C13orf42: variants seen among roughly 807,000 people sequenced by gnomAD.
The protein encoded by C13orf42 is uncharacterized protein C13orf42.
intron 1 of C13orf42, among the ~76,000 whole-genome samples, chr13:51,171,769 C>T (rs1224261825): frequency 1.3e-5 from 2 of 151,800 alleles, no homozygotes; most frequent in Non-Finnish European, 2.9e-5. Flanking sequence ...AATCAGATAG[C>T]GTTTAGGCTC....
At chr13:51,161,799 G>T in intron 1 of C13orf42, 1 of 328,472 alleles carries the variant, frequency 3.0e-6, no homozygotes. Context: ...ACCATAACCA[G>T]GGAATCGTTA....
At chr13:51,163,175 A>G (rs1012521786) in intron 1 of C13orf42, among the ~76,000 whole-genome samples, 1 of 152,208 alleles carries the variant, frequency 6.6e-6, no homozygotes, top group Non-Finnish European at 1.5e-5. Context: ...CCCCAAGGTA[A>G]GCAGCATGCA....
At chr13:51,111,883 C>A (rs1467473355), upstream of C13orf42, among the ~76,000 whole-genome samples, 1 of 39,766 alleles carries the variant, frequency 2.5e-5, no homozygotes, top group Non-Finnish European at 3.9e-5. Context: ...CCTCGCCCTG[C>A]GGTAATGGAC....
intron 1 of C13orf42, among the ~76,000 whole-genome samples, chr13:51,135,734 T>C (rs2138025590): frequency 6.6e-6 from 1 of 152,224 alleles, no homozygotes; most frequent in East Asian, 1.9e-4. Context: ...TCTTCCTAGA[T>C]TCCTCCCCCA....
intron 1 of C13orf42, among the ~76,000 whole-genome samples, chr13:51,093,095 TTGAC>T (rs1182027748): frequency 2.6e-5 from 4 of 152,224 alleles, no homozygotes; most frequent in Non-Finnish European, 4.4e-5. Context: ...TCTATTTTTC[TTGAC>T]TGACTCAAAA....
chr13:51,086,329 A>AAC (rs1953125832), intron 2 of C13orf42, among the ~76,000 whole-genome samples: 1 of 150,216 alleles, frequency 6.7e-6, no homozygotes, highest in Admixed American at 6.6e-5. Context: ...AAAAAAAACA[A>AAC]AAAAAAAAAC....
At chr13:51,133,442 C>T (rs1953634197) in intron 1 of C13orf42, among the ~76,000 whole-genome samples, 2 of 152,222 alleles carry the variant, frequency 1.3e-5, no homozygotes, top group African/African-American at 4.8e-5. Flanking sequence ...ACTCATTTTA[C>T]ACCTAAAGAT....
intron 1 of C13orf42, among the ~76,000 whole-genome samples, chr13:51,123,461 G>A (rs1292825624): frequency 1.3e-5 from 2 of 152,176 alleles, no homozygotes; most frequent in African/African-American, 2.4e-5. Context: ...GTGGACCAAA[G>A]CAAGTCATAT....
chr13:51,116,603 C>T (rs1015557683), intron 1 of C13orf42, among the ~76,000 whole-genome samples: 1 of 152,188 alleles, frequency 6.6e-6, no homozygotes, highest in Non-Finnish European at 1.5e-5. Context: ...GATGATGTGG[C>T]AAATGGAATT....
chr13:51,158,042 T>C (rs146909591), intron 1 of C13orf42, among the ~76,000 whole-genome samples: 37 of 152,346 alleles, frequency 2.4e-4, no homozygotes, highest in African/African-American at 8.7e-4. Flanking sequence ...TGCCACATTA[T>C]TCCCAGGCCT....
intron 1 of C13orf42, among the ~76,000 whole-genome samples, chr13:51,120,346 T>C (rs1264047124): frequency 6.6e-6 from 1 of 152,148 alleles, no homozygotes; most frequent in Non-Finnish European, 1.5e-5. Context: ...AGAGCCAAGA[T>C]GTGAACGCAG....
At chr13:51,169,544 T>G (rs946153608) in intron 1 of C13orf42, among the ~76,000 whole-genome samples, 2 of 152,228 alleles carry the variant, frequency 1.3e-5, no homozygotes, top group Non-Finnish European at 2.9e-5. Context: ...CAGAGGTCTT[T>G]GCAGCAGCCC....
intron 1 of C13orf42, among the ~76,000 whole-genome samples, chr13:51,094,033 T>A (rs1044651715): frequency 6.6e-6 from 1 of 152,220 alleles, no homozygotes; most frequent in African/African-American, 2.4e-5. Context: ...TTGTAATTAT[T>A]CTTTTTGATG....
intron 1 of C13orf42, among the ~76,000 whole-genome samples, chr13:51,128,563 G>A (rs920333876): frequency 1.3e-5 from 2 of 152,174 alleles, no homozygotes; most frequent in Admixed American, 6.5e-5. Flanking sequence ...AGGCAAGGAC[G>A]CTTGACTGAA....
intron 1 of C13orf42, among the ~76,000 whole-genome samples, chr13:51,168,889 G>A (rs997811450): frequency 6.6e-6 from 1 of 151,838 alleles, no homozygotes; most frequent in African/African-American, 2.4e-5. Flanking sequence ...TCCTTCTCTC[G>A]CCATCTAAGA....
Position 51,083,920 on chromosome 13 carries a change from C to T in C13orf42, c.*231G>A. On this transcript the variant is annotated 3_prime_UTR_variant, in exon 4 of 4. Coordinates refer to ENST00000563710, the MANE Select transcript of C13orf42 (RefSeq NM_001351589.3). ...TGAAGACCAGCCAGGCTGTAAGTCC[C>T]TGGTCATCAGCCCACGCAGAGAAAC... The T allele has an allele frequency of 2.9e-6, 1 of 350,278 alleles. No homozygotes were observed. The highest frequency in any genetic ancestry group is 4.7e-5 in the Admixed American group (1 of 21,080). The allele number at this position is 350,278 out of a possible 1,614,324, so 21.7% of individuals were successfully genotyped here. A position where few individuals can be genotyped will look rare whatever the true frequency, so the allele number is the denominator to read the frequency against.
chr13:51,157,662 G>C (rs1469173381), intron 1 of C13orf42, among the ~76,000 whole-genome samples: 1 of 152,022 alleles, frequency 6.6e-6, no homozygotes, highest in Non-Finnish European at 1.5e-5. Flanking sequence ...AACCCCCTTT[G>C]TTCCTTACTG....
chr13:51,147,302 G>A (rs11843310), intron 1 of C13orf42, among the ~76,000 whole-genome samples: 18,914 of 152,222 alleles, frequency 0.12, 1,296 homozygotes, highest in African/African-American at 0.16. Flanking sequence ...GACAAATCCC[G>A]CTTTGGTGCC....
chr13:51,157,905 A>C (rs900111473), intron 1 of C13orf42, among the ~76,000 whole-genome samples: 1 of 152,246 alleles, frequency 6.6e-6, no homozygotes, highest in Admixed American at 6.5e-5. Flanking sequence ...AAGAGCAAGG[A>C]AAGAGGAAAG....
Sources: gnomAD v4.1 joint callset for allele counts (sites outside exome capture counted in the v4.1 genomes callset) on GRCh38, gnomAD v4.1.1 for gene constraint, MANE v1.5 for transcripts, NCBI Gene and HGNC (gene_info 2026-07-23, HGNC 2026-07-21) for gene names.